Variants in TAP2 observed in about 807,000 individuals in gnomAD.
TAP2 encodes transporter 2, ATP binding cassette subfamily B member, also known as antigen peptide transporter 2.
A neutral mutation model predicts 74.7 loss-of-function variants in TAP2; 49 were observed. The ratio of observed to expected loss-of-function variants is 0.66; its 90% CI spans 0.52 to 0.83. The LOEUF (loss-of-function observed/expected upper bound fraction) is 0.83, where lower values mean the gene tolerates loss of function less well. TAP2 is among the 40% of genes least tolerant of loss of function. TAP2 has a pLI of 0.00. For synonymous variants in TAP2, 306 were observed against 368.4 expected (o/e 0.83, Z 1.94); for missense variants, 739 against 859.0 (o/e 0.86, Z 1.75).
In TAP2 at chr6:32,835,915, G is replaced by A; in HGVS notation, c.609-142C>T. On this transcript the variant is annotated intron_variant, in intron 3 of 11. Transcript: ENST00000374897. This position sits in a 1 kb window ranked among gnomAD's most constrained non-coding sequence, Gnocchi z 4.0. ...GGAGGGGCAAAAGAGAAAGAAATGAGAGACAGACACACAGAGAGAGAAGAG... is the reference window on the plus strand; with the variant it reads ...GGAGGGGCAAAAGAGAAAGAAATGAAAGACAGACACACAGAGAGAGAAGAG... The A allele has an allele frequency of 8.0e-6, 8 of 1,000,482 alleles. No individual in the cohort carries two copies. Among genetic ancestry groups the A allele is most frequent in the Non-Finnish European group, 1.2e-5 (8 of 658,348 alleles). 62.0% of individuals were successfully genotyped at this position (1,000,482 alleles called of 1,614,324 possible). A position where few individuals can be genotyped will look rare whatever the true frequency, so the allele number is the denominator to read the frequency against.
At position 32,829,029 on chromosome 6, in the gene TAP2, C is replaced by T. The variant is rs1283257309; in HGVS notation, c.1938G>A (p.Gln646=). 3 of 1,548,084 alleles carry T rather than the reference C, an allele frequency of 1.9e-6. No individual in the cohort carries two copies. Among genetic ancestry groups the T allele is most frequent in the Non-Finnish European group, 2.6e-6 (3 of 1,146,074 alleles). ...TGCGATCCCCACGGGAATTCCAGTC[C>T]TGCAGCTGAAGGGGTGATCACAGTG... is the stretch of plus-strand genomic sequence containing the variant. ...ALDVQCEQAL[Q]DWNSRGDRTV... The change falls in exon 12 of 12, where the codon CAG becomes CAA. Residue 646 remains glutamine, a synonymous_variant. Coordinates refer to ENST00000374897, the MANE Select transcript of TAP2 (RefSeq NM_001290043.2).
chr6:32,835,889 AG>A lies in TAP2; in HGVS notation c.609-117del. Reference sequence around the variant, plus strand: ...GCGCAAAGTCAGGGGAAAGCATGCCAGGAGGGGCAAAAGAGAAAGAAATGAG... The same window carrying A: ...GCGCAAAGTCAGGGGAAAGCATGCCAGAGGGGCAAAAGAGAAAGAAATGAG... On this transcript the variant is annotated intron_variant, in intron 3 of 11. Transcript: ENST00000374897. This position sits in a 1 kb window ranked among gnomAD's most constrained non-coding sequence, Gnocchi z 4.0. 3 of 1,323,886 alleles carry A rather than the reference AG, an allele frequency of 2.3e-6. No individual in the cohort carries two copies. The highest frequency in any genetic ancestry group is 3.2e-6 in the Non-Finnish European group (3 of 930,150). The allele number at this position is 1,323,886 out of a possible 1,614,324, so 82.0% of individuals were successfully genotyped here.
At chr6:32,836,879 T>C (rs144875472) in intron 3 of TAP2, among the ~76,000 whole-genome samples, 13 of 152,188 alleles carry the variant, frequency 8.5e-5, no homozygotes, top group African/African-American at 3.1e-4. Context: ...AGTATGACCA[T>C]AAAAATAGAG....
chr6:32,837,250 G>C lies in TAP2; in HGVS notation c.608+287C>G, dbSNP rs1769477650. Among the ~76,000 whole-genome samples the C allele has an allele frequency of 1.3e-5, 2 of 152,186 alleles. 1 individual carries two copies. Among genetic ancestry groups the C allele is most frequent in the Non-Finnish European group, 2.9e-5 (2 of 68,036 alleles). On this transcript the variant is annotated intron_variant, in intron 3 of 11. Transcript: ENST00000374897. ...AATTTCATGGACCTAGGAATGTTGA[G>C]AGACAACTGAGAGACATTCCATCTG...
At chr6:32,831,677 A>C (rs1158553623) in intron 7 of TAP2, among the ~76,000 whole-genome samples, 2 of 152,210 alleles carry the variant, frequency 1.3e-5, no homozygotes, top group African/African-American at 2.4e-5. Flanking sequence ...CCACAGGACA[A>C]ACAACCTATT....
chr6:32,822,502 A>T (rs909475547), downstream of TAP2, among the ~76,000 whole-genome samples: 15 of 151,988 alleles, frequency 9.9e-5, no homozygotes, highest in African/African-American at 3.6e-4. Context: ...TCATAAAAAA[A>T]TTTTCTTCTA....
rs189486447 is a variant in TAP2, at chr6:32,825,606, A to G, written c.*3300T>C. On this transcript the variant is annotated 3_prime_UTR_variant, in exon 12 of 12. Transcript: ENST00000374897. ...ATTGCCTATGCAAGAGGAATTAGCA[A>G]ACCTTGAGAAGGATTGAGAGTGAGG... The G allele has an allele frequency of 1.3e-5, 2 of 152,360 alleles. No homozygotes were observed. Among genetic ancestry groups the G allele is most frequent in the East Asian group, 3.9e-4 (2 of 5,186 alleles). 9.4% of individuals were successfully genotyped at this position (152,360 alleles called of 1,614,324 possible). A position where few individuals can be genotyped will look rare whatever the true frequency, so the allele number is the denominator to read the frequency against.
chr6:32,829,033 A>G lies in TAP2; in HGVS notation c.1934T>C (p.Leu645Pro). The G allele has an allele frequency of 6.5e-7, 1 of 1,547,372 alleles. No homozygotes were observed. Among genetic ancestry groups the G allele is most frequent in the Non-Finnish European group, 8.7e-7 (1 of 1,145,854 alleles). Residue 645 changes from leucine to proline, a missense_variant and splice_region_variant, in exon 12 of 12, where the codon CTG (leucine) becomes CCG (proline). By Grantham distance (98) the Leu-to-Pro change is moderately conservative (BLOSUM62 -3). Transcript: ENST00000374897. ...ATCCCCACGGGAATTCCAGTCCTGCAGCTGAAGGGGTGATCACAGTGCCTC... is the reference window on the plus strand; with the variant it reads ...ATCCCCACGGGAATTCCAGTCCTGCGGCTGAAGGGGTGATCACAGTGCCTC... Reference protein sequence around the residue: ...SALDVQCEQALQDWNSRGDRT... With the variant: ...SALDVQCEQAPQDWNSRGDRT...
At position 32,828,279 on chromosome 6, in the gene TAP2, C is replaced by T. The variant is rs1280261460; in HGVS notation, c.*627G>A. On this transcript the variant is annotated 3_prime_UTR_variant, in exon 12 of 12. Coordinates refer to ENST00000374897, the MANE Select transcript of TAP2 (RefSeq NM_001290043.2). The stretch of plus-strand genomic sequence containing the variant: ...TATAAATGGTAGCTGTTACCAATGT[C>T]GCTATTAATACTGTTAATCAGGGAA... 2 of 985,044 alleles carry T rather than the reference C, an allele frequency of 2.0e-6. No homozygotes were observed. Among genetic ancestry groups the T allele is most frequent in the Admixed American group, 6.2e-5 (1 of 16,260 alleles). 61.0% of individuals were successfully genotyped at this position (985,044 alleles called of 1,614,324 possible).
In TAP2 at chr6:32,838,028, A is replaced by T. The variant is rs1243711584; in HGVS notation, c.206T>A (p.Leu69His). The change falls in exon 2 of 12, where the codon CTC becomes CAC. Residue 69 changes from leucine to histidine, a missense_variant. Physicochemically the swap from Leu to His is moderately conservative, Grantham distance 99. Coordinates refer to ENST00000374897, the MANE Select transcript of TAP2 (RefSeq NM_001290043.2). Reference protein sequence around the residue: ...LGFVGTLLLPLCLATPLTVSL... With the variant: ...LGFVGTLLLPHCLATPLTVSL... ...GACAGTCAGGGGGGTGGCCAGACAG[A>T]GCGGGAGCAGCAGTGTCCCCACAAA... 1.2e-6 allele frequency: 2 copies of T among 1,612,216 alleles called. No homozygotes were observed.
At position 32,828,462 on chromosome 6, in the gene TAP2, A is replaced by G; in HGVS notation, c.*444T>C. 1 of 982,558 alleles carries G rather than the reference A, an allele frequency of 1.0e-6. No individual in the cohort carries two copies. The highest frequency in any genetic ancestry group is 1.2e-6 in the Non-Finnish European group (1 of 827,128). 60.9% of individuals were successfully genotyped at this position (982,558 alleles called of 1,614,324 possible). A position where few individuals can be genotyped will look rare whatever the true frequency, so the allele number is the denominator to read the frequency against. On this transcript the variant is annotated 3_prime_UTR_variant, in exon 12 of 12. Coordinates refer to ENST00000374897, the MANE Select transcript of TAP2 (RefSeq NM_001290043.2). ...AACGACTGATGGGACAGGCAGCAAA[A>G]TAGCAACTATGGTTATCTCCAGGAA...
At chr6:32,833,718 A>G (rs1049017156) in intron 5 of TAP2, among the ~76,000 whole-genome samples, 2 of 152,192 alleles carry the variant, frequency 1.3e-5, no homozygotes, top group Non-Finnish European at 2.9e-5. Context: ...GCCGCTATGG[A>G]AAACTGTATG....
At chr6:32,830,878 C>A in intron 7 of TAP2, 72 bp from the exon 8 acceptor site, 3 of 1,302,598 alleles carry the variant, frequency 2.3e-6, no homozygotes, top group Non-Finnish European at 3.2e-6. Flanking sequence ...CAACTCCTCA[C>A]ACACTCCACT....
chr6:32,822,394 G>T, downstream of TAP2: 1 of 955,518 alleles, frequency 1.0e-6, no homozygotes. Context: ...TGTTTGCAAT[G>T]TTTTATTTAG....
At chr6:32,829,571 C>T (rs532997741) in intron 10 of TAP2, 35 bp from the exon 11 acceptor site, 2 of 1,613,574 alleles carry the variant, frequency 1.2e-6, no homozygotes, top group Non-Finnish European at 1.7e-6. Flanking sequence ...TCCTCAGATA[C>T]AAGTGACACA....
chr6:32,822,917 C>CTTTTT (rs3041453), downstream of TAP2, among the ~76,000 whole-genome samples: 2,526 of 109,858 alleles, frequency 0.023, 147 homozygotes, highest in African/African-American at 0.054. Flanking sequence ...TGTGTTCATA[C>CTTTTT]TTTTTTTTTT....
Position 32,828,205 on chromosome 6 carries a change from G to A in TAP2, c.*701C>T, listed in dbSNP as rs1049607661. 21 of 938,322 alleles carry A rather than the reference G, an allele frequency of 2.2e-5. No homozygotes were observed. The highest frequency in any genetic ancestry group is 6.2e-5 in the Admixed American group (1 of 16,182). 58.1% of individuals were successfully genotyped at this position (938,322 alleles called of 1,614,324 possible). ...AGGGTTGGGGATAATGATTAAAAACGATAATACATGAAAAACACTTAGCAT... is the reference window on the plus strand; with the variant it reads ...AGGGTTGGGGATAATGATTAAAAACAATAATACATGAAAAACACTTAGCAT... On this transcript the variant is annotated 3_prime_UTR_variant, in exon 12 of 12. Coordinates refer to ENST00000374897, the MANE Select transcript of TAP2 (RefSeq NM_001290043.2).
chr6:32,830,660 G>A lies in TAP2; in HGVS notation c.1419C>T (p.Val473=). The A allele has an allele frequency of 6.2e-7, 1 of 1,613,130 alleles. No homozygotes were observed. The highest frequency in any genetic ancestry group is 8.5e-7 in the Non-Finnish European group (1 of 1,180,044). The part of the protein sequence containing the change: ...TLQGVVKFQD[V]SFAYPNRPDR... Reference sequence around the variant, plus strand: ...CAGGGCGATTGGGATATGCAAAGGAGACGTCTTGGAATTTCACAACCCCCT... The same window carrying A: ...CAGGGCGATTGGGATATGCAAAGGAAACGTCTTGGAATTTCACAACCCCCT... Residue 473 remains valine (V), a synonymous_variant, in exon 8 of 12, where the codon GTC becomes GTT. Transcript: ENST00000374897.
intron 5 of TAP2, among the ~76,000 whole-genome samples, chr6:32,834,630 T>C (rs1400839303): frequency 1.3e-5 from 2 of 152,166 alleles, no homozygotes; most frequent in Non-Finnish European, 2.9e-5. Context: ...CTTCAAATGG[T>C]TGAAATGGTA....
Sources: allele counts gnomAD v4.1 joint callset (sites outside exome capture counted in the v4.1 genomes callset), GRCh38; gene constraint gnomAD v4.1.1; non-coding constraint Gnocchi (gnomAD v3.1); transcripts MANE v1.5; gene names NCBI Gene and HGNC (gene_info 2026-07-23, HGNC 2026-07-21).